Variants in TBC1D32 observed in about 807,000 individuals in gnomAD.
TBC1D32 encodes the protein protein broad-minded.
In TBC1D32, 151 loss-of-function variants were observed where a neutral mutation model predicts 170.3. That is an observed-to-expected ratio of 0.89 (90% CI 0.78 to 1.01). The LOEUF is 1.01. Ranked by LOEUF, TBC1D32 falls within the 50% of genes least tolerant of loss-of-function variation. The pLI, the probability that TBC1D32 is intolerant of heterozygous loss-of-function variation, is 0.00. For missense variants in TBC1D32, 1,464 were observed against 1,457.1 expected (o/e 1.00, Z -0.08); for synonymous variants, 498 against 488.0 (o/e 1.02, Z -0.27).
At chr6:121,132,250 C>G in intron 24 of TBC1D32, among the ~76,000 whole-genome samples, 1 of 151,948 alleles carries the variant, frequency 6.6e-6, no homozygotes, top group East Asian at 1.9e-4. Flanking sequence ...ACATGCTATT[C>G]TGGCATATTG....
intron 15 of TBC1D32, among the ~76,000 whole-genome samples, chr6:121,271,063 C>T (rs1801340129): frequency 6.6e-6 from 1 of 152,094 alleles, no homozygotes; most frequent in Admixed American, 6.5e-5. Flanking sequence ...AATTCAACAG[C>T]CCTTCATGCT....
Position 121,223,067 on chromosome 6 carries a change from C to T in TBC1D32, c.2481+169G>A, listed in dbSNP as rs78812857. 8.9e-3 allele frequency among the ~76,000 whole-genome samples: 1,362 copies of T among 152,202 alleles called. 24 individuals are homozygous for T. Among genetic ancestry groups the T allele is most frequent in the African/African-American group, 0.031 (1,283 of 41,532 alleles). The stretch of plus-strand genomic sequence containing the variant: ...TAGGTGACCTGGATCAAAGATTCCA[C>T]GCATAGAAAATTCAAAAGTTGATAT... On this transcript the variant is annotated intron_variant, in intron 21 of 31. Coordinates refer to ENST00000398212, the MANE Select transcript of TBC1D32 (RefSeq NM_152730.6).
chr6:121,157,789 T>C (rs1286715836), intron 24 of TBC1D32, among the ~76,000 whole-genome samples: 1 of 152,156 alleles, frequency 6.6e-6, no homozygotes, highest in African/African-American at 2.4e-5. Context: ...TATTAAATTC[T>C]TGGTTGAAAT....
At chr6:121,116,787 G>C (rs1007285716) in intron 26 of TBC1D32, among the ~76,000 whole-genome samples, 1 of 152,194 alleles carries the variant, frequency 6.6e-6, no homozygotes, top group African/African-American at 2.4e-5. Context: ...AAAGAAAAGA[G>C]TTCTTACATA....
chr6:121,127,622 A>C (rs1333479563), intron 25 of TBC1D32, among the ~76,000 whole-genome samples: 2 of 152,128 alleles, frequency 1.3e-5, no homozygotes, highest in African/African-American at 4.8e-5. Context: ...AATAGCCCTC[A>C]GGTGAGAGCA....
chr6:121,284,719 T>G (rs1482523517), intron 12 of TBC1D32, among the ~76,000 whole-genome samples: 2 of 152,152 alleles, frequency 1.3e-5, no homozygotes, highest in African/African-American at 4.8e-5. Context: ...TCAGGTGGTC[T>G]ATAATATCTG....
At chr6:121,131,162 G>A (rs1030018457) in intron 25 of TBC1D32, among the ~76,000 whole-genome samples, 37 of 151,968 alleles carry the variant, frequency 2.4e-4, no homozygotes, top group African/African-American at 8.9e-4. Flanking sequence ...AAATGCGCAA[G>A]TAGATAACTG....
chr6:121,198,122 G>A lies in TBC1D32; in HGVS notation c.2570+6953C>T, dbSNP rs544945822. Among the ~76,000 whole-genome samples, 4 of 147,948 alleles carry A rather than the reference G, an allele frequency of 2.7e-5. No homozygotes were observed. The South Asian group carries it at 8.5e-4, about 31-fold the overall frequency. ...AGCCTATTGTGAAACCTTGTGATCA[G>A]GTAAGTTAATACTTAATAAACTCCC... is the stretch of plus-strand genomic sequence containing the variant. On this transcript the variant is annotated intron_variant, in intron 22 of 31. Coordinates refer to ENST00000398212, the MANE Select transcript of TBC1D32 (RefSeq NM_152730.6).
At chr6:121,145,070 A>G (rs921658628) in intron 24 of TBC1D32, among the ~76,000 whole-genome samples, 1 of 152,178 alleles carries the variant, frequency 6.6e-6, no homozygotes, top group South Asian at 2.1e-4. Flanking sequence ...GGTCCAAGAG[A>G]GAATGGAAAG....
At chr6:121,278,299 T>G (rs73526664) in intron 15 of TBC1D32, among the ~76,000 whole-genome samples, 1 of 152,016 alleles carries the variant, frequency 6.6e-6, no homozygotes, top group Non-Finnish European at 1.5e-5. Flanking sequence ...GATTACATAT[T>G]CTACAGACTG....
intron 16 of TBC1D32, 57 bp from the exon 17 acceptor site, chr6:121,255,467 T>TATTTTATAATTATATTTATAATTAA: frequency 2.5e-6 from 1 of 398,154 alleles, no homozygotes; most frequent in African/African-American, 2.2e-5. Context: ...CATATATTTA[T>TATTTTATAATTATATTTATAATTAA]ATTTTATAAT....
chr6:121,273,489 G>A (rs919390449), intron 15 of TBC1D32, among the ~76,000 whole-genome samples: 121 of 147,170 alleles, frequency 8.2e-4, no homozygotes, highest in African/African-American at 2.7e-3. Context: ...GGGGCCTGTC[G>A]TGGGGTTGGG....
At chr6:121,210,227 C>A in intron 21 of TBC1D32, among the ~76,000 whole-genome samples, 1 of 151,716 alleles carries the variant, frequency 6.6e-6, no homozygotes, top group Admixed American at 6.6e-5. Flanking sequence ...GAAAAACAGG[C>A]AAAAATGAAT....
rs1257538909 is a variant in TBC1D32, at chr6:121,218,344, AC to A, written c.2481+4891del. ...TTAAGCTAAAGGAGGTGGGGATGTG[AC>A]ATGATTTGGTTGTGTCCCCACCCAA... On this transcript the variant is annotated intron_variant, in intron 21 of 31. Transcript: ENST00000398212. 2.6e-5 allele frequency among the ~76,000 whole-genome samples: 4 copies of A among 152,332 alleles called. No individual in the cohort carries two copies. The East Asian group carries it at 7.7e-4, about 29-fold the overall frequency.
rs1171742573 is a variant in TBC1D32 at position 121,304,781 on chromosome 6, A to C, written c.743T>G (p.Met248Arg). 26 of 1,608,434 alleles carry C rather than the reference A, an allele frequency of 1.6e-5. No homozygotes were observed. The highest frequency in any genetic ancestry group is 2.2e-5 in the Non-Finnish European group (26 of 1,177,884). Residue 248 changes from methionine (M) to arginine (R), a missense_variant, in exon 6 of 32, where the codon ATG (methionine) becomes AGG (arginine). By Grantham distance (91) the Met-to-Arg change is moderately conservative (BLOSUM62 -1). Coordinates refer to ENST00000398212, the MANE Select transcript of TBC1D32 (RefSeq NM_152730.6). ...TAAGCTTGTATAAATTTCCTTGGTC[A>C]TATGTAATGGAGAAAGCAAAAATGT... ...AQTFLLSPLH[M>R]TKEIYTSLAK... is the part of the protein sequence containing the mutation.
intron 12 of TBC1D32, among the ~76,000 whole-genome samples, chr6:121,290,119 C>T (rs1474642905): frequency 2.0e-5 from 3 of 152,100 alleles, no homozygotes; most frequent in Non-Finnish European, 4.4e-5. Context: ...ACACCAAAAG[C>T]AATGGCAACA....
chr6:121,234,366 C>T (rs1796094586), intron 20 of TBC1D32, among the ~76,000 whole-genome samples: 1 of 152,148 alleles, frequency 6.6e-6, no homozygotes, highest in Admixed American at 6.5e-5. Flanking sequence ...TAGGCTCAGA[C>T]ATTTAGCATA....
intron 20 of TBC1D32, among the ~76,000 whole-genome samples, chr6:121,230,598 T>A (rs1322067783): frequency 6.6e-6 from 1 of 151,964 alleles, no homozygotes; most frequent in African/African-American, 2.4e-5. Flanking sequence ...AAAGTTAATT[T>A]CTTTTTTACT....
rs534459966 is a variant in TBC1D32, at chr6:121,286,659, A to G, written c.1373-2749T>C. ...TTCAGGAAATACAGAGAACGCCACA[A>G]AGATATTCCTCGAGAAGAGCAACTC... is the stretch of plus-strand genomic sequence containing the variant. On this transcript the variant is annotated intron_variant, in intron 12 of 31. Transcript: ENST00000398212. Among the ~76,000 whole-genome samples, 52 of 152,294 alleles carry G rather than the reference A, an allele frequency of 3.4e-4. 1 individual carries two copies. The East Asian group carries it at 7.2e-3, about 21-fold the overall frequency.
Sources: allele counts gnomAD v4.1 joint callset (sites outside exome capture counted in the v4.1 genomes callset), GRCh38; gene constraint gnomAD v4.1.1; transcripts MANE v1.5; gene names NCBI Gene and HGNC (gene_info 2026-07-23, HGNC 2026-07-21).